The following DCBLD2 variants were observed in gnomAD, a reference collection of about 807,000 sequenced individuals.
DCBLD2 encodes the protein discoidin, CUB and LCCL domain-containing protein 2.
DCBLD2 carries 54 observed loss-of-function variants against 86.8 expected under a neutral mutation model. The observed-to-expected ratio is 0.62, with a 90% confidence interval of 0.50 to 0.78. DCBLD2 has a LOEUF of 0.78. Among genes scored for constraint, DCBLD2 ranks in the 30% least tolerant of loss-of-function variants. The pLI is 0.00. For synonymous variants in DCBLD2, 354 were observed against 341.3 expected, an observed-to-expected ratio of 1.04 and a Z score of -0.41; for missense variants, 908 against 954.2, an observed-to-expected ratio of 0.95 and a Z score of 0.64.
At chr3:98,817,197 T>C (rs545249404) in intron 9 of DCBLD2, among the ~76,000 whole-genome samples, 1 of 152,336 alleles carries the variant, frequency 6.6e-6, no homozygotes, top group Non-Finnish European at 1.5e-5. Context: ...TCATTTCCTC[T>C]GGCTCATTCC....
At position 98,837,045 on chromosome 3, in the gene DCBLD2, G is replaced by A. The variant is rs866552274; in HGVS notation, c.572-11679C>T. ...CGGACGGGGCGGCTGGCCGGGCGGG[G>A]GGGCTGACCCCCCCCATCTCCCTCC... On this transcript the variant is annotated intron_variant, in intron 3 of 15. Transcript: ENST00000326840. Among the ~76,000 whole-genome samples, 12 of 45,824 alleles carry A rather than the reference G, an allele frequency of 2.6e-4. 1 individual carries two copies. Among genetic ancestry groups the A allele is most frequent in the Non-Finnish European group, 4.4e-4 (10 of 22,780 alleles). 30.1% of individuals were successfully genotyped at this position (45,824 alleles called of 152,430 possible).
At chr3:98,859,207 T>G (rs1942994038) in intron 2 of DCBLD2, among the ~76,000 whole-genome samples, 2 of 152,032 alleles carry the variant, frequency 1.3e-5, no homozygotes, top group Admixed American at 1.3e-4. Context: ...GAGGGTTGAG[T>G]AGGTAAACAA....
Position 98,807,908 on chromosome 3 carries a change from T to G in DCBLD2, c.1670+173A>C, listed in dbSNP as rs1576156230. ...ACAAAAAAGGTACTTAGTAACTGAT[T>G]GTGGAATTGAACTTATTTATTTTTA... On this transcript the variant is annotated intron_variant, in intron 13 of 15. Transcript: ENST00000326840. The G allele has an allele frequency of 9.7e-6, 4 of 411,090 alleles. No individual in the cohort carries two copies. In the East Asian group the frequency reaches 1.2e-4, roughly 12 times the overall value. 25.5% of individuals were successfully genotyped at this position (411,090 alleles called of 1,614,324 possible).
chr3:98,874,562 G>A (rs1340247002), intron 2 of DCBLD2, among the ~76,000 whole-genome samples: 1 of 152,156 alleles, frequency 6.6e-6, no homozygotes, highest in Non-Finnish European at 1.5e-5. Context: ...ATGGAAATCA[G>A]TGGATACTTC....
intron 3 of DCBLD2, among the ~76,000 whole-genome samples, chr3:98,842,229 T>A (rs1162696637): frequency 6.6e-6 from 1 of 152,236 alleles, no homozygotes; most frequent in African/African-American, 2.4e-5. Flanking sequence ...CAATATGTGG[T>A]CTTGCTTTCA....
Position 98,822,267 on chromosome 3 carries a change from T to C in DCBLD2, c.791A>G (p.Tyr264Cys), listed in dbSNP as rs755672300. ...ISVVISKGIP[Y>C]YESSLANNVT... Reference sequence around the variant, plus strand: ...GTTGTTAGCCAAAGAACTTTCATAATAGGGGATACCTTTACTAATTACAAC... The same window carrying C: ...GTTGTTAGCCAAAGAACTTTCATAACAGGGGATACCTTTACTAATTACAAC... Residue 264 changes from tyrosine (Y) to cysteine (C), a missense_variant, in exon 6 of 16, where the codon TAT becomes TGT. Coordinates refer to ENST00000326840, the MANE Select transcript of DCBLD2 (RefSeq NM_080927.4). 2 of 1,613,978 alleles carry C rather than the reference T, an allele frequency of 1.2e-6. No individual in the cohort carries two copies. The highest frequency in any genetic ancestry group is 2.2e-5 in the South Asian group (2 of 91,082).
chr3:98,878,073 T>A (rs1943400711), intron 2 of DCBLD2, among the ~76,000 whole-genome samples: 2 of 152,122 alleles, frequency 1.3e-5, no homozygotes, highest in African/African-American at 2.4e-5. Flanking sequence ...AAATAATAAT[T>A]GATTCATACA....
chr3:98,815,714 A>C (rs1942008155), intron 9 of DCBLD2: 4 of 152,092 alleles, frequency 2.6e-5, no homozygotes, highest in Admixed American at 2.6e-4. Context: ...ACATCTTAAA[A>C]CTCCCAAACT....
chr3:98,870,703 A>G (rs867036512), intron 2 of DCBLD2, among the ~76,000 whole-genome samples: 7 of 148,076 alleles, frequency 4.7e-5, no homozygotes, highest in Middle Eastern at 3.2e-3. Context: ...AAAGAGAGAG[A>G]AAAAAAGAAA....
intron 2 of DCBLD2, among the ~76,000 whole-genome samples, chr3:98,859,154 T>C (rs186184201): frequency 1.7e-3 from 254 of 152,250 alleles, no homozygotes; most frequent in Admixed American, 6.5e-3. Flanking sequence ...GGGATTGAAC[T>C]GCAAGGCAGC....
At chr3:98,891,774 C>T (rs1021297202) in intron 1 of DCBLD2, among the ~76,000 whole-genome samples, 5 of 152,148 alleles carry the variant, frequency 3.3e-5, no homozygotes, top group African/African-American at 1.2e-4. Context: ...CTTAACATTC[C>T]ACTCTGCCAA....
chr3:98,861,120 G>A (rs921563800), intron 2 of DCBLD2, among the ~76,000 whole-genome samples: 1 of 152,140 alleles, frequency 6.6e-6, no homozygotes, highest in African/African-American at 2.4e-5. Context: ...GATTAAAAGA[G>A]ACAAAGAAGG....
intron 3 of DCBLD2, among the ~76,000 whole-genome samples, chr3:98,848,417 G>T (rs1028125866): frequency 6.6e-6 from 1 of 152,092 alleles, no homozygotes; most frequent in African/African-American, 2.4e-5. Context: ...ATTGAATAGC[G>T]GTGCAATGAA....
intron 2 of DCBLD2, among the ~76,000 whole-genome samples, chr3:98,880,277 T>C (rs1943442271): frequency 1.3e-5 from 2 of 152,186 alleles, no homozygotes; most frequent in East Asian, 1.9e-4. Context: ...AGGATGAACA[T>C]AGTATGGTAT....
At chr3:98,843,675 T>G (rs901798958) in intron 3 of DCBLD2, among the ~76,000 whole-genome samples, 13 of 152,164 alleles carry the variant, frequency 8.5e-5, no homozygotes, top group Non-Finnish European at 1.9e-4. Flanking sequence ...TTGGTGTTAA[T>G]TCTAAAAATA....
rs72936636 is a variant in DCBLD2, at chr3:98,858,252, C to T, written c.434-8654G>A. 7.4e-3 allele frequency among the ~76,000 whole-genome samples: 1,121 copies of T among 152,364 alleles called. 11 individuals carry two copies. The highest frequency in any genetic ancestry group is 0.026 in the African/African-American group (1,071 of 41,586). ...CTGCCGAGCCCACACACACCCAGAA[C>T]TCGCACTGGCCCGCAAGCGCCGTGT... On this transcript the variant is annotated intron_variant, in intron 2 of 15. Transcript: ENST00000326840.
chr3:98,840,101 G>A (rs926748274), intron 3 of DCBLD2, among the ~76,000 whole-genome samples: 16 of 152,176 alleles, frequency 1.1e-4, no homozygotes, highest in African/African-American at 3.9e-4. Context: ...GGTAGAGTGA[G>A]ATGAAACTTT....
At chr3:98,802,024 A>G (rs997867400) in intron 13 of DCBLD2, 1 of 165,052 alleles carries the variant, frequency 6.1e-6, no homozygotes, top group African/African-American at 2.4e-5. Context: ...ATACGTGTGC[A>G]TGTGTCTCTA....
intron 3 of DCBLD2, among the ~76,000 whole-genome samples, chr3:98,838,632 T>C (rs1216036029): frequency 6.6e-6 from 1 of 151,964 alleles, no homozygotes; most frequent in Non-Finnish European, 1.5e-5. Flanking sequence ...ACTCTTCACT[T>C]CCCAGACGGG....
Sources: gnomAD v4.1 joint callset for allele counts (sites outside exome capture counted in the v4.1 genomes callset) on GRCh38, gnomAD v4.1.1 for gene constraint, MANE v1.5 for transcripts, NCBI Gene and HGNC (gene_info 2026-07-23, HGNC 2026-07-21) for gene names.